The following AVL9 variants were observed in gnomAD, a reference collection of about 807,000 sequenced individuals.
The protein encoded by AVL9 is AVL9 cell migration associated, also known as late secretory pathway protein AVL9 homolog.
AVL9 carries 49 observed loss-of-function variants against 79.2 expected under a neutral mutation model. That is an observed-to-expected ratio of 0.62 (90% CI 0.49 to 0.79). AVL9 has a LOEUF of 0.79. Among genes scored for constraint, AVL9 ranks in the 30% least tolerant of loss-of-function variants. The probability of loss-of-function intolerance (pLI) is 0.00; values close to 1 mark genes in which losing one functional copy is unlikely to be tolerated. For missense variants in AVL9, 682 were observed against 776.8 expected (o/e 0.88, Z 1.45); for synonymous variants, 299 against 280.6 (o/e 1.07, Z -0.65).
At chr7:32,550,386 T>G (rs1789756879) in intron 4 of AVL9, among the ~76,000 whole-genome samples, 2 of 152,188 alleles carry the variant, frequency 1.3e-5, no homozygotes, top group Admixed American at 1.3e-4. Context: ...AAATCGAGTT[T>G]TATCTGTCTC....
Position 32,552,282 on chromosome 7 carries a change from C to T in AVL9, c.516C>T (p.Ser172=), listed in dbSNP as rs1369137092. ...TGGGAGGTGCTTCATTAGAAGGATC[C>T]CAAGTATATCTTGGTAAGTAACTGA... ...SSLGGASLEG[S]QVYLGLSPRD... The change falls in exon 6 of 16, where the codon TCC becomes TCT. Residue 172 remains serine (S), a synonymous_variant. Transcript: ENST00000318709. 2 of 1,598,022 alleles carry T rather than the reference C, an allele frequency of 1.3e-6. No individual in the cohort carries two copies. The highest frequency in any genetic ancestry group is 3.3e-5 in the Admixed American group (2 of 59,710).
chr7:32,578,439 C>G (rs867390554), intron 13 of AVL9, among the ~76,000 whole-genome samples: 53 of 152,136 alleles, frequency 3.5e-4, no homozygotes, highest in African/African-American at 1.3e-3. Flanking sequence ...TGAAATACAT[C>G]AAAGAAGTAT....
At chr7:32,565,874 G>A (rs958393796) in intron 10 of AVL9, among the ~76,000 whole-genome samples, 4 of 152,010 alleles carry the variant, frequency 2.6e-5, no homozygotes, top group African/African-American at 9.7e-5. Flanking sequence ...TGGGCGTGGT[G>A]GCATACGCCT....
chr7:32,546,405 T>G (rs1789504288), intron 3 of AVL9, among the ~76,000 whole-genome samples: 1 of 152,164 alleles, frequency 6.6e-6, no homozygotes, highest in South Asian at 2.1e-4. Flanking sequence ...GCCTGGAACC[T>G]GGAACACCCA....
Position 32,543,262 on chromosome 7 carries a change from G to A in AVL9, c.214+1G>A. 6.2e-7 allele frequency: 1 copy of A among 1,613,652 alleles called. No homozygotes were observed. Among genetic ancestry groups the A allele is most frequent in the Non-Finnish European group, 8.5e-7 (1 of 1,179,856 alleles). On this transcript the variant is annotated splice_donor_variant, in intron 2 of 15. Transcript: ENST00000318709. LOFTEE classifies it high-confidence loss of function. ...GATGGCGCACACAACTACCAGGAAG[G>A]TATGTAACAAGACAGTGAAGCAGTT...
At chr7:32,546,951 A>G (rs933986198) in intron 3 of AVL9, among the ~76,000 whole-genome samples, 3 of 152,228 alleles carry the variant, frequency 2.0e-5, no homozygotes, top group African/African-American at 7.2e-5. Context: ...CATGCTGCTC[A>G]AAAGACAGGA....
chr7:32,577,638 G>A (rs1160016078), intron 13 of AVL9, among the ~76,000 whole-genome samples: 1 of 152,156 alleles, frequency 6.6e-6, no homozygotes, highest in Non-Finnish European at 1.5e-5. Context: ...GGGAGGCCTG[G>A]TCAGATCTTT....
At chr7:32,527,189 G>A (rs1362737067) in intron 1 of AVL9, among the ~76,000 whole-genome samples, 2 of 152,142 alleles carry the variant, frequency 1.3e-5, no homozygotes, top group Non-Finnish European at 2.9e-5. Flanking sequence ...CTGAGCTATT[G>A]TGTGGCACCT....
At chr7:32,568,498 G>A (rs979580382) in intron 10 of AVL9, among the ~76,000 whole-genome samples, 3 of 152,164 alleles carry the variant, frequency 2.0e-5, no homozygotes, top group African/African-American at 7.2e-5. Flanking sequence ...ACCATGCCCA[G>A]CCCATAATAT....
intron 9 of AVL9, 23 bp downstream of exon 9, chr7:32,558,651 T>C (rs1285364297): frequency 6.4e-7 from 1 of 1,569,422 alleles, no homozygotes; most frequent in Non-Finnish European, 8.7e-7. Context: ...CAGTATCTAC[T>C]CTTTCTTTTG....
chr7:32,503,369 T>TACAC (rs1237567459), intron 1 of AVL9, among the ~76,000 whole-genome samples: 3,112 of 101,264 alleles, frequency 0.031, 85 homozygotes, highest in East Asian at 0.085. Context: ...GAGATATATA[T>TACAC]ATATACACAC....
chr7:32,549,019 T>A, intron 4 of AVL9, 101 bp downstream of exon 4: 1 of 666,274 alleles, frequency 1.5e-6, no homozygotes. Flanking sequence ...AAATGACATA[T>A]TAAAATTATT....
chr7:32,535,123 A>G (rs1788837917), intron 1 of AVL9: 1 of 152,192 alleles, frequency 6.6e-6, no homozygotes, highest in African/African-American at 2.4e-5. Flanking sequence ...ATCAGTTTAA[A>G]GTAATCCTGT....
intron 11 of AVL9, among the ~76,000 whole-genome samples, chr7:32,570,650 G>A (rs1446381445): frequency 2.7e-5 from 4 of 148,560 alleles, no homozygotes; most frequent in East Asian, 2.0e-4. Context: ...AGACAGTTTC[G>A]TTCTTGTTGC....
chr7:32,579,590 A>ATAT lies in AVL9; in HGVS notation c.1689-628_1689-626dup, dbSNP rs1554348260. 6.4e-4 allele frequency among the ~76,000 whole-genome samples: 12 copies of ATAT among 18,818 alleles called. 2 individuals carry two copies. The highest frequency in any genetic ancestry group is 3.1e-3 in the African/African-American group (12 of 3,884). The allele number at this position is 18,818 out of a possible 152,430, so 12.3% of individuals were successfully genotyped here. On this transcript the variant is annotated intron_variant, in intron 13 of 15. Coordinates refer to ENST00000318709, the MANE Select transcript of AVL9 (RefSeq NM_015060.3). ...TATATTATATTATATATTATATATTATATATTATATATTATATTATATATT... is the reference window on the plus strand; with the variant it reads ...TATATTATATTATATATTATATATTATATTATATTATATATTATATTATATATT...
chr7:32,580,867 T>A lies in AVL9; in HGVS notation c.1808T>A (p.Val603Asp). 6.2e-7 allele frequency: 1 copy of A among 1,613,902 alleles called. No homozygotes were observed. The highest frequency in any genetic ancestry group is 8.5e-7 in the Non-Finnish European group (1 of 1,179,902). ...GTCATGGTCACAACTAGCCGGAATG[T>A]TGTACAAACAGGAAAAGCTGTTGGT... is the stretch of plus-strand genomic sequence containing the variant. ...GNVMVTTSRN[V>D]VQTGKAVGQS... is the part of the protein sequence containing the mutation. Residue 603 changes from valine (V) to aspartate (D), a missense_variant, in exon 15 of 16, where the codon GTT becomes GAT. Val to Asp is a radical substitution (Grantham distance 152). Transcript: ENST00000318709.
chr7:32,517,408 C>T (rs374833834), intron 1 of AVL9, among the ~76,000 whole-genome samples: 5 of 151,616 alleles, frequency 3.3e-5, no homozygotes, highest in South Asian at 4.2e-4. Context: ...TGAGTTCAAG[C>T]GATTCTCCTT....
chr7:32,522,613 C>T (rs950070107), intron 1 of AVL9, among the ~76,000 whole-genome samples: 21 of 152,194 alleles, frequency 1.4e-4, no homozygotes, highest in African/African-American at 4.1e-4. Flanking sequence ...TCAGATGAAA[C>T]TTTGGTCTGT....
intron 15 of AVL9, among the ~76,000 whole-genome samples, chr7:32,582,912 G>C (rs1018637472): frequency 7.2e-5 from 11 of 152,078 alleles, no homozygotes; most frequent in African/African-American, 2.7e-4. Context: ...TCGAATTCTT[G>C]GACTCAAGCT....
Sources: gnomAD v4.1 joint callset for allele counts (sites outside exome capture counted in the v4.1 genomes callset) on GRCh38, gnomAD v4.1.1 for gene constraint, MANE v1.5 for transcripts, NCBI Gene and HGNC (gene_info 2026-07-23, HGNC 2026-07-21) for gene names.